ALPK1: variants seen among roughly 807,000 people sequenced by gnomAD.
ALPK1 encodes the protein alpha-protein kinase 1.
A neutral mutation model predicts 120.6 loss-of-function variants in ALPK1; 110 were observed. The ratio of observed to expected loss-of-function variants is 0.91; its 90% CI spans 0.78 to 1.07. The LOEUF is 1.07. Among genes scored for constraint, ALPK1 ranks in the 50% least tolerant of loss-of-function variants. ALPK1 has a pLI of 0.00. For synonymous variants in ALPK1, 582 were observed against 560.3 expected (o/e 1.04, Z -0.55); for missense variants, 1,498 against 1,483.9 (o/e 1.01, Z -0.16).
intron 4 of ALPK1, 99 bp from the exon 5 acceptor site, chr4:112,411,728 G>T (rs963602217): frequency 5.3e-6 from 6 of 1,136,728 alleles, no homozygotes; most frequent in Middle Eastern, 3.9e-4. Flanking sequence ...CCTAGCTGTG[G>T]GTTTTGTTGT....
intron 2 of ALPK1, among the ~76,000 whole-genome samples, chr4:112,351,884 A>G (rs1730376380): frequency 6.6e-6 from 1 of 152,244 alleles, no homozygotes; most frequent in African/African-American, 2.4e-5. Context: ...CAATTATCTC[A>G]ATAGACTATG....
chr4:112,398,248 A>G (rs989330949), intron 4 of ALPK1, among the ~76,000 whole-genome samples: 1 of 152,194 alleles, frequency 6.6e-6, no homozygotes, highest in Non-Finnish European at 1.5e-5. Flanking sequence ...TTAAGAGGCA[A>G]TATCATATAG....
At chr4:112,424,039 T>G in intron 6 of ALPK1, 36 bp downstream of exon 6, 3 of 1,595,372 alleles carry the variant, frequency 1.9e-6, no homozygotes. Context: ...GACTTTTACC[T>G]CAGCCCCGAA....
intron 2 of ALPK1, among the ~76,000 whole-genome samples, chr4:112,365,844 G>C (rs1348691344): frequency 6.6e-6 from 1 of 152,070 alleles, no homozygotes; most frequent in Non-Finnish European, 1.5e-5. Flanking sequence ...GCATGGTACT[G>C]GTATAAAAAT....
chr4:112,403,081 T>C (rs1404565603), intron 4 of ALPK1, among the ~76,000 whole-genome samples: 4 of 152,106 alleles, frequency 2.6e-5, no homozygotes, highest in African/African-American at 9.7e-5. Context: ...CTCTCTTTCA[T>C]GGTAATCTAA....
chr4:112,353,884 TAAA>T lies in ALPK1; in HGVS notation c.-100-23793_-100-23791del, dbSNP rs576941135. Among the ~76,000 whole-genome samples, 1,291 of 150,360 alleles carry T rather than the reference TAAA, an allele frequency of 8.6e-3. 19 individuals are homozygous for T. Among genetic ancestry groups the T allele is most frequent in the African/African-American group, 0.03 (1,234 of 41,202 alleles). On this transcript the variant is annotated intron_variant, in intron 2 of 15. Transcript: ENST00000650871. ...ACTCTGTCTCAAATAAATAAATAAA[TAAA>T]TAAATAAATAAATAAGTTGTGCAGG...
intron 2 of ALPK1, among the ~76,000 whole-genome samples, chr4:112,374,295 C>G (rs931865902): frequency 2.0e-5 from 3 of 152,210 alleles, no homozygotes; most frequent in Non-Finnish European, 4.4e-5. Context: ...CTATAAGGAG[C>G]AACGTCCCAT....
chr4:112,348,184 T>A (rs1458188961), intron 2 of ALPK1, among the ~76,000 whole-genome samples: 4 of 152,188 alleles, frequency 2.6e-5, no homozygotes, highest in Non-Finnish European at 5.9e-5. Flanking sequence ...ATCCTGAAAG[T>A]CTAAAACTGT....
Position 112,411,851 on chromosome 4 carries a change from G to A in ALPK1, c.301G>A (p.Ala101Thr), listed in dbSNP as rs1162440633. 1.2e-6 allele frequency: 2 copies of A among 1,613,072 alleles called. No homozygotes were observed. The highest frequency in any genetic ancestry group is 1.7e-5 in the Admixed American group (1 of 59,918). The change falls in exon 5 of 16, where the codon GCT (alanine) becomes ACT (threonine). Residue 101 changes from alanine (A) to threonine (T), a missense_variant. Transcript: ENST00000650871. ...LLASLRASIL[A>T]RDCAAAAAIV... is the part of the protein sequence containing the mutation. ...GGCGTCCCTGAGGGCCTCCATCCTC[G>A]CTCGGGACTGTGCGGCTGCGGCGGC...
At chr4:112,308,091 C>A (rs1728200641) in intron 1 of ALPK1, among the ~76,000 whole-genome samples, 2 of 152,104 alleles carry the variant, frequency 1.3e-5, no homozygotes, top group African/African-American at 4.8e-5. Context: ...TCTCTTCTGG[C>A]TTGTAGAGTT....
At chr4:112,425,351 C>A (rs1171223720) in intron 6 of ALPK1, 2 of 191,494 alleles carry the variant, frequency 1.0e-5, no homozygotes, top group South Asian at 1.1e-4. Flanking sequence ...TCTTAAGAAG[C>A]CAGAGGAAAG....
chr4:112,358,176 G>A, intron 2 of ALPK1: 2 of 621,894 alleles, frequency 3.2e-6, no homozygotes, highest in Non-Finnish European at 6.0e-6. Context: ...CAGGCCATCG[G>A]GCAAGTGATC....
intron 2 of ALPK1, among the ~76,000 whole-genome samples, chr4:112,361,655 A>T (rs1730917286): frequency 6.6e-6 from 1 of 152,192 alleles, no homozygotes; most frequent in African/African-American, 2.4e-5. Flanking sequence ...AAGACAAAGG[A>T]CATACTCTCT....
intron 2 of ALPK1, among the ~76,000 whole-genome samples, chr4:112,364,213 G>C (rs989140681): frequency 5.3e-5 from 8 of 151,484 alleles, no homozygotes; most frequent in African/African-American, 1.9e-4. Context: ...ACAAAGATCA[G>C]AGCAGAACTG....
chr4:112,401,041 G>T (rs748305818), intron 4 of ALPK1, among the ~76,000 whole-genome samples: 59 of 152,310 alleles, frequency 3.9e-4, no homozygotes, highest in Non-Finnish European at 7.6e-4. Context: ...ATTGTTAAAA[G>T]AAACCGATGC....
At chr4:112,305,636 A>G (rs1728013263) in intron 1 of ALPK1, among the ~76,000 whole-genome samples, 1 of 152,088 alleles carries the variant, frequency 6.6e-6, no homozygotes, top group African/African-American at 2.4e-5. Context: ...TATCAGTTTA[A>G]GGAGATTTTG....
rs762558355 is a variant in ALPK1 at position 112,441,018 on chromosome 4, AT to A, written c.3646del (p.Tyr1216ThrfsTer19). On this transcript the variant is annotated frameshift_variant, in exon 15 of 16. Coordinates refer to ENST00000650871, the MANE Select transcript of ALPK1 (RefSeq NM_025144.4). LOFTEE classifies it high-confidence loss of function. ...CACTACCAATTTTGGAAAGAGAGGA[AT>A]TTTTTACTTCTTTAATAACCAGCAT... ...VFTTNFGKRG[I>X]FYFFNNQHVE... The A allele has an allele frequency of 1.9e-6, 3 of 1,613,968 alleles. No homozygotes were observed. The South Asian group carries it at 3.3e-5, about 18-fold the overall frequency.
At chr4:112,303,573 G>A (rs930697218) in intron 1 of ALPK1, among the ~76,000 whole-genome samples, 4 of 152,068 alleles carry the variant, frequency 2.6e-5, no homozygotes, top group South Asian at 2.1e-4. Flanking sequence ...GCACCATACC[G>A]TGATCTCCTC....
chr4:112,419,442 C>A (rs6533614), intron 5 of ALPK1, among the ~76,000 whole-genome samples: 30,911 of 149,722 alleles, frequency 0.21, 3,567 homozygotes, highest in Non-Finnish European at 0.26. Flanking sequence ...TTAAAAATAG[C>A]ACAGCAATGA....
Sources: gnomAD v4.1 joint callset for allele counts (sites outside exome capture counted in the v4.1 genomes callset) on GRCh38, gnomAD v4.1.1 for gene constraint, MANE v1.5 for transcripts, NCBI Gene and HGNC (gene_info 2026-07-23, HGNC 2026-07-21) for gene names.